Variants in KYNU observed in about 807,000 individuals in gnomAD.
The protein encoded by KYNU is L-kynurenine hydrolase.
A neutral mutation model predicts 59.2 loss-of-function variants in KYNU; 54 were observed. The observed-to-expected ratio is 0.91, with a 90% confidence interval of 0.73 to 1.14. The LOEUF (loss-of-function observed/expected upper bound fraction) is 1.14. KYNU is among the 50% of genes most tolerant of loss of function. The probability of loss-of-function intolerance (pLI) is 0.00; values close to 1 mark genes in which losing one functional copy is unlikely to be tolerated. For synonymous variants in KYNU, 177 were observed against 192.0 expected (o/e 0.92, Z 0.65); for missense variants, 567 against 554.4 (o/e 1.02, Z -0.23).
rs186127983 is a variant in KYNU at position 142,943,714 on chromosome 2, C to T, written c.374-11096C>T. Among the ~76,000 whole-genome samples the T allele has an allele frequency of 3.0e-3, 462 of 152,212 alleles. 3 individuals carry two copies. Among genetic ancestry groups the T allele is most frequent in the Non-Finnish European group, 4.4e-3 (300 of 67,994 alleles). On this transcript the variant is annotated intron_variant, in intron 4 of 13. Coordinates refer to ENST00000264170, the MANE Select transcript of KYNU (RefSeq NM_003937.3). The stretch of plus-strand genomic sequence containing the variant: ...GAACATAAATTTGCTTTATGAAATC[C>T]GTGGCTGACCCTCAGAGAAGCAATA...
intron 2 of KYNU, among the ~76,000 whole-genome samples, chr2:142,891,495 G>A (rs1411734253): frequency 1.3e-5 from 2 of 152,134 alleles, no homozygotes; most frequent in Admixed American, 1.3e-4. Context: ...CCCAACTTTA[G>A]TAGACTTTAG....
At position 143,044,515 on chromosome 2, in the gene KYNU, G is replaced by A. The variant is rs1687133367; in HGVS notation, c.*2343G>A. ...ATCTGTTGTTTCTTGACTTTTTAATGATTAGCATTCTAACTGGCGTGAGAT... is the reference window on the plus strand; with the variant it reads ...ATCTGTTGTTTCTTGACTTTTTAATAATTAGCATTCTAACTGGCGTGAGAT... On this transcript the variant is annotated 3_prime_UTR_variant, in exon 14 of 14. Transcript: ENST00000264170. 6.6e-6 allele frequency: 1 copy of A among 152,110 alleles called. No homozygotes were observed. The highest frequency in any genetic ancestry group is 1.5e-5 in the Non-Finnish European group (1 of 68,012). The allele number at this position is 152,110 out of a possible 1,614,324, so 9.4% of individuals were successfully genotyped here.
intron 2 of KYNU, among the ~76,000 whole-genome samples, chr2:142,897,984 C>T (rs1427809590): frequency 6.6e-6 from 1 of 152,092 alleles, no homozygotes; most frequent in African/African-American, 2.4e-5. Flanking sequence ...TCACTGCAGC[C>T]TCAACTTCCT....
intron 6 of KYNU, among the ~76,000 whole-genome samples, chr2:142,957,433 T>C (rs1469063049): frequency 1.3e-5 from 2 of 152,206 alleles, no homozygotes. Flanking sequence ...GATCCCTCTG[T>C]TTTCATCTAT....
rs1412273912 is a variant in KYNU at position 142,905,485 on chromosome 2, CT to C, written c.170-13121del. Among the ~76,000 whole-genome samples, 32 of 152,128 alleles carry C rather than the reference CT, an allele frequency of 2.1e-4. 1 individual carries two copies. The highest frequency in any genetic ancestry group is 2.1e-3 in the Admixed American group (32 of 15,284). On this transcript the variant is annotated intron_variant, in intron 2 of 13. Transcript: ENST00000264170. The stretch of plus-strand genomic sequence containing the variant: ...GAGTTCCTCCTAGGTCTGGTAGGAC[CT>C]TTGTATGGTAATTAAGATTTAAATC...
At chr2:143,019,280 T>C (rs1389917775) in intron 10 of KYNU, among the ~76,000 whole-genome samples, 1 of 152,172 alleles carries the variant, frequency 6.6e-6, no homozygotes, top group Admixed American at 6.5e-5. Context: ...TTGTCATCTA[T>C]GGCCTTTATG....
chr2:143,003,364 GGCCAGCCTGGCCAAGAT>G (rs1444526999), intron 10 of KYNU, among the ~76,000 whole-genome samples: 2 of 152,084 alleles, frequency 1.3e-5, no homozygotes, highest in Admixed American at 6.6e-5. Context: ...AGGAGTTTAA[GGCCAGCCTGGCCAAGAT>G]GGTGAAACCC....
intron 10 of KYNU, chr2:142,988,696 A>C: frequency 4.3e-6 from 3 of 702,148 alleles, no homozygotes; most frequent in Non-Finnish European, 7.7e-6. Flanking sequence ...ACGTTAAGGA[A>C]AACCTTGGTT....
rs1003642194 is a variant in KYNU at position 143,051,222 on chromosome 2, G to A, written c.*9050G>A. The A allele has an allele frequency of 1.3e-5, 2 of 152,070 alleles. No individual in the cohort carries two copies. Among genetic ancestry groups the A allele is most frequent in the African/African-American group, 2.4e-5 (1 of 41,426 alleles). 9.4% of individuals were successfully genotyped at this position (152,070 alleles called of 1,614,324 possible). A position where few individuals can be genotyped will look rare whatever the true frequency, so the allele number is the denominator to read the frequency against. On this transcript the variant is annotated 3_prime_UTR_variant, in exon 14 of 14. Coordinates refer to ENST00000264170, the MANE Select transcript of KYNU (RefSeq NM_003937.3). ...GATGGTTCTTGAGTCCTTTTGACAT[G>A]ACCCTATCTATTTTTGATAACTTCA...
rs1687282653 is a variant in KYNU, at chr2:143,052,394, T to C, written c.*10222T>C. On this transcript the variant is annotated 3_prime_UTR_variant, in exon 14 of 14. Transcript: ENST00000264170. ...TAACAAGAAGCTGAATGTTAATCAC[T>C]AAGACAATGAGGAAAATGTCTCCAG... is the stretch of plus-strand genomic sequence containing the variant. 6.6e-6 allele frequency: 1 copy of C among 152,212 alleles called. No individual in the cohort carries two copies. Among genetic ancestry groups the C allele is most frequent in the South Asian group, 2.1e-4 (1 of 4,828 alleles). 9.4% of individuals were successfully genotyped at this position (152,212 alleles called of 1,614,324 possible). A position where few individuals can be genotyped will look rare whatever the true frequency, so the allele number is the denominator to read the frequency against.
At chr2:143,030,457 T>G (rs1019402172) in intron 11 of KYNU, among the ~76,000 whole-genome samples, 12 of 152,222 alleles carry the variant, frequency 7.9e-5, no homozygotes, top group African/African-American at 2.9e-4. Context: ...GTTTTAAATT[T>G]GTTTTCATTT....
At chr2:142,972,649 C>T (rs958233592) in intron 8 of KYNU, among the ~76,000 whole-genome samples, 1 of 151,974 alleles carries the variant, frequency 6.6e-6, no homozygotes, top group Non-Finnish European at 1.5e-5. Context: ...TTCCTCAAGG[C>T]AATTTAGCTG....
Position 142,918,707 on chromosome 2 carries a change from G to C in KYNU, c.268G>C (p.Glu90Gln), listed in dbSNP as rs776944258. ...PKMVKTYLEE[E>Q]LDKWAKIAAY... is the part of the protein sequence containing the mutation. ...AATGGTTAAAACATATCTTGAAGAA[G>C]AACTAGATAAGTGGGCCAAAATGTA... The change falls in exon 3 of 14, where the codon GAA (glutamate) becomes CAA (glutamine). Residue 90 changes from glutamate (E) to glutamine (Q), a missense_variant. By Grantham distance (29) the Glu-to-Gln change is conservative. Coordinates refer to ENST00000264170, the MANE Select transcript of KYNU (RefSeq NM_003937.3). 1.2e-6 allele frequency: 2 copies of C among 1,611,704 alleles called. No homozygotes were observed. Among genetic ancestry groups the C allele is most frequent in the Non-Finnish European group, 1.7e-6 (2 of 1,178,840 alleles).
At chr2:142,921,215 G>GT (rs1373283885) in intron 3 of KYNU, among the ~76,000 whole-genome samples, 2 of 152,148 alleles carry the variant, frequency 1.3e-5, no homozygotes, top group African/African-American at 4.8e-5. Context: ...TTTCTATTGG[G>GT]TTTTTTCATC....
intron 2 of KYNU, among the ~76,000 whole-genome samples, chr2:142,909,502 T>C (rs561826532): frequency 5.9e-4 from 90 of 152,196 alleles, no homozygotes; most frequent in Admixed American, 2.2e-3. Flanking sequence ...CCTCCCTTTA[T>C]AGCTATATGT....
chr2:142,912,133 C>T (rs147601482), intron 2 of KYNU, among the ~76,000 whole-genome samples: 72 of 152,154 alleles, frequency 4.7e-4, no homozygotes, highest in Middle Eastern at 3.4e-3. Flanking sequence ...GGTACCAGCT[C>T]TTCTTTGTAA....
chr2:143,041,084 T>C (rs575588980), intron 13 of KYNU, among the ~76,000 whole-genome samples: 3 of 152,072 alleles, frequency 2.0e-5, no homozygotes, highest in Non-Finnish European at 4.4e-5. Flanking sequence ...ATTAAGTTAT[T>C]TTCAACCTTG....
intron 2 of KYNU, among the ~76,000 whole-genome samples, chr2:142,897,654 T>C (rs772018289): frequency 1.3e-5 from 2 of 152,208 alleles, no homozygotes; most frequent in Non-Finnish European, 2.9e-5. Flanking sequence ...AGAAACATTG[T>C]ATATCTTTAG....
chr2:142,953,157 G>C (rs1025003189), intron 4 of KYNU, among the ~76,000 whole-genome samples: 1 of 152,146 alleles, frequency 6.6e-6, no homozygotes, highest in Non-Finnish European at 1.5e-5. Flanking sequence ...ATTTAATAGG[G>C]AGTGAGAAAC....
Sources: gnomAD v4.1 joint callset for allele counts (sites outside exome capture counted in the v4.1 genomes callset) on GRCh38, gnomAD v4.1.1 for gene constraint, MANE v1.5 for transcripts, NCBI Gene and HGNC (gene_info 2026-07-23, HGNC 2026-07-21) for gene names.